EXD3: variants seen among roughly 807,000 people sequenced by gnomAD.
The protein encoded by EXD3 is exonuclease mut-7 homolog.
In EXD3, 92 loss-of-function variants were observed where a neutral mutation model predicts 98.0. That is an observed-to-expected ratio of 0.94 (90% confidence interval 0.79 to 1.12). EXD3 has a LOEUF of 1.12. Ranked by LOEUF, EXD3 falls within the 50% of genes most tolerant of loss-of-function variation. EXD3 has a pLI of 0.00. For synonymous variants in EXD3, 569 were observed against 526.0 expected, an observed-to-expected ratio of 1.08 and a Z score of -1.12; for missense variants, 1,222 against 1,191.6, an observed-to-expected ratio of 1.03 and a Z score of -0.38.
chr9:137,337,091 AG>A (rs1833391450), intron 17 of EXD3, among the ~76,000 whole-genome samples: 1 of 152,212 alleles, frequency 6.6e-6, no homozygotes. Context: ...AGAATAATGG[AG>A]AAATGGTATT....
Position 137,354,363 on chromosome 9 carries a change from C to T in EXD3, c.846G>A (p.Gln282=). 2.5e-6 allele frequency: 4 copies of T among 1,612,480 alleles called. No individual in the cohort carries two copies. In the East Asian group the frequency reaches 8.9e-5, roughly 36 times the overall value. Reference sequence around the variant, plus strand: ...CCTGCACATGGTCGGTCCAGTTCTCCTGTGACAGGCTCTTCTGCAAAGGCA... The same window carrying T: ...CCTGCACATGGTCGGTCCAGTTCTCTTGTGACAGGCTCTTCTGCAAAGGCA... ...HKRFVEKSLS[Q]ENWTDHVQGL... The change falls in exon 10 of 22, where the codon CAG becomes CAA. Residue 282 remains glutamine (Q), a synonymous_variant. Coordinates refer to ENST00000340951, the MANE Select transcript of EXD3 (RefSeq NM_017820.5).
At chr9:137,336,363 C>T (rs891941942) in intron 17 of EXD3, among the ~76,000 whole-genome samples, 7 of 152,106 alleles carry the variant, frequency 4.6e-5, no homozygotes, top group African/African-American at 1.2e-4. Flanking sequence ...CTCAAATATA[C>T]GTGTTAACAT....
chr9:137,350,970 G>A, intron 14 of EXD3, 68 bp downstream of exon 14: 7 of 1,391,112 alleles, frequency 5.0e-6, no homozygotes, highest in Non-Finnish European at 6.9e-6. Context: ...AAGGTGTGGA[G>A]GGGCCCCAAG....
chr9:137,319,918 C>T lies in EXD3; in HGVS notation c.2184+3807G>A, dbSNP rs529547932. ...GCATCCTGCTAGGGCCCAGCAGGGT[C>T]CCCAGCCCCAACAAGGGCCTCCCTC... On this transcript the variant is annotated intron_variant, in intron 19 of 21. Coordinates refer to ENST00000340951, the MANE Select transcript of EXD3 (RefSeq NM_017820.5). Among the ~76,000 whole-genome samples, 109 of 152,334 alleles carry T rather than the reference C, an allele frequency of 7.2e-4. No homozygotes were observed. In the Middle Eastern group the frequency reaches 0.034, roughly 48 times the overall value.
At chr9:137,328,037 A>C (rs891904959) in intron 17 of EXD3, among the ~76,000 whole-genome samples, 2 of 152,286 alleles carry the variant, frequency 1.3e-5, no homozygotes, top group African/African-American at 2.4e-5. Flanking sequence ...GAGTAAAAAC[A>C]ACGAATAAAC....
At chr9:137,337,205 T>C (rs1833398499) in intron 17 of EXD3, among the ~76,000 whole-genome samples, 1 of 152,160 alleles carries the variant, frequency 6.6e-6, no homozygotes, top group Admixed American at 6.6e-5. Flanking sequence ...ATATAAGAAT[T>C]CTAATAATAA....
Position 137,364,758 on chromosome 9 carries a change from G to A in EXD3, c.656+1735C>T, listed in dbSNP as rs1835136733. ...TCCCACCTCCATCAATGCATTCACT[G>A]TTTTGTTCTATGTTTTTTTTTTTTT... On this transcript the variant is annotated intron_variant, in intron 7 of 21. Transcript: ENST00000340951. Among the ~76,000 whole-genome samples the A allele has an allele frequency of 2.8e-5, 4 of 143,660 alleles. No individual in the cohort carries two copies. The South Asian group carries it at 9.1e-4, about 33-fold the overall frequency. 94.2% of individuals were successfully genotyped at this position (143,660 alleles called of 152,430 possible).
chr9:137,315,050 C>T (rs1831569216), intron 19 of EXD3, among the ~76,000 whole-genome samples: 2 of 152,192 alleles, frequency 1.3e-5, no homozygotes, highest in Non-Finnish European at 2.9e-5. Flanking sequence ...TCTCCACTTC[C>T]TGCAGCTCCC....
rs574939564 is a variant in EXD3 at position 137,349,810 on chromosome 9, C to T, written c.1495-279G>A. Among the ~76,000 whole-genome samples, 17 of 152,134 alleles carry T rather than the reference C, an allele frequency of 1.1e-4. No homozygotes were observed. The highest frequency in any genetic ancestry group is 2.1e-4 in the Non-Finnish European group (14 of 68,006). On this transcript the variant is annotated intron_variant, in intron 14 of 21. Transcript: ENST00000340951. This position sits in a 1 kb window ranked among gnomAD's most constrained non-coding sequence, Gnocchi z 7.4. The stretch of plus-strand genomic sequence containing the variant: ...CAGCCCCTCACAGCCTCAGAGAGCC[C>T]GGGCCCTGAGTCTGTGTGGCCAGCT...
At chr9:137,384,793 T>A (rs970386506) in intron 2 of EXD3, among the ~76,000 whole-genome samples, 1 of 152,016 alleles carries the variant, frequency 6.6e-6, no homozygotes, top group Non-Finnish European at 1.5e-5. Flanking sequence ...CTGGGAGAAA[T>A]GTAACAAAAG....
At position 137,383,369 on chromosome 9, in the gene EXD3, G is replaced by A; in HGVS notation, c.64C>T (p.Pro22Ser). The part of the protein sequence containing the change: ...AGERHRMGRD[P>S]LLLLQALQTL... ...TGCAGGGCCTGCAGGAGCAGGAGGG[G>A]GTCCCGGCCTGTGGAGATAAGATAA... The change falls in exon 3 of 22, where the codon CCC becomes TCC. Residue 22 changes from proline to serine, a missense_variant. Pro to Ser is a moderately conservative substitution (Grantham distance 74). Transcript: ENST00000340951. The A allele has an allele frequency of 6.5e-7, 1 of 1,549,992 alleles. No homozygotes were observed.
intron 3 of EXD3, among the ~76,000 whole-genome samples, chr9:137,382,056 C>CGCGGAGGAGGTGGGAGCAT (rs1836318113): frequency 8.3e-6 from 1 of 120,984 alleles, no homozygotes; most frequent in Non-Finnish European, 1.7e-5. Flanking sequence ...GGTGAGGGCG[C>CGCGGAGGAGGTGGGAGCAT]GCGGAGGAGG....
intron 1 of EXD3, among the ~76,000 whole-genome samples, chr9:137,409,008 G>A (rs760368938): frequency 1.3e-5 from 2 of 152,222 alleles, no homozygotes; most frequent in Non-Finnish European, 2.9e-5. Context: ...TGGGAGGGCG[G>A]CTGCTATAAT....
intron 7 of EXD3, among the ~76,000 whole-genome samples, chr9:137,363,581 G>A (rs143059330): frequency 0.014 from 2,162 of 151,862 alleles, 43 homozygotes; most frequent in African/African-American, 0.043. Context: ...CAGGTGATCC[G>A]CCTGCCTCGG....
At chr9:137,314,729 A>T (rs1419729905) in intron 19 of EXD3, among the ~76,000 whole-genome samples, 2 of 151,908 alleles carry the variant, frequency 1.3e-5, no homozygotes, top group African/African-American at 4.8e-5. Context: ...AGTGTGGGGG[A>T]TGGGCCTCGG....
intron 1 of EXD3, among the ~76,000 whole-genome samples, chr9:137,421,639 CTAG>C: frequency 6.6e-6 from 1 of 152,320 alleles, no homozygotes; most frequent in East Asian, 1.9e-4. Flanking sequence ...GAGTTCGAGA[CTAG>C]CCTGGGCAAG....
intron 1 of EXD3, among the ~76,000 whole-genome samples, chr9:137,420,060 T>C (rs1013727766): frequency 6.6e-6 from 1 of 151,896 alleles, no homozygotes; most frequent in Non-Finnish European, 1.5e-5. Context: ...CTCGGGAGGC[T>C]GAGGCTGGTG....
At chr9:137,378,549 T>C (rs1212979753) in intron 3 of EXD3, among the ~76,000 whole-genome samples, 3 of 151,844 alleles carry the variant, frequency 2.0e-5, no homozygotes, top group Non-Finnish European at 4.4e-5. Context: ...CGCAGATGTT[T>C]GTAGATGAAT....
In EXD3 at chr9:137,372,892, G is replaced by A. The variant is rs765519449; in HGVS notation, c.462+13C>T. 4.7e-5 allele frequency: 75 copies of A among 1,597,162 alleles called. No homozygotes were observed. The Admixed American group carries it at 5.0e-4, about 11-fold the overall frequency. ...GCCGTTTCCCCATGAGCCCGGCCACGTGGGCCACTCACTTCTCTGAACCTG... is the reference window on the plus strand; with the variant it reads ...GCCGTTTCCCCATGAGCCCGGCCACATGGGCCACTCACTTCTCTGAACCTG... On this transcript the variant is annotated intron_variant, in intron 5 of 21. Coordinates refer to ENST00000340951, the MANE Select transcript of EXD3 (RefSeq NM_017820.5).
Sources: gnomAD v4.1 joint callset for allele counts (sites outside exome capture counted in the v4.1 genomes callset) on GRCh38, gnomAD v4.1.1 for gene constraint, Gnocchi (gnomAD v3.1) non-coding constraint, MANE v1.5 for transcripts, NCBI Gene and HGNC (gene_info 2026-07-23, HGNC 2026-07-21) for gene names.